Variants in COL22A1 observed in about 807,000 individuals in gnomAD.
COL22A1 encodes the protein collagen type XXII alpha 1 chain, also known as collagen alpha-1(XXII) chain.
A neutral mutation model predicts 248.9 loss-of-function variants in COL22A1; 221 were observed. The ratio of observed to expected loss-of-function variants is 0.89; its 90% confidence interval spans 0.80 to 0.99. COL22A1 has a LOEUF of 0.99. Ranked by LOEUF, COL22A1 falls within the 50% of genes least tolerant of loss-of-function variation. The probability of loss-of-function intolerance (pLI) is 0.00; values close to 1 mark genes in which losing one functional copy is unlikely to be tolerated. For missense variants in COL22A1, 2,240 were observed against 2,179.0 expected, an observed-to-expected ratio of 1.03 and a Z score of -0.56; for synonymous variants, 891 against 793.4, an observed-to-expected ratio of 1.12 and a Z score of -2.07.
chr8:138,636,822 G>T, intron 47 of COL22A1, 27 bp from the exon 48 acceptor site: 1 of 1,576,972 alleles, frequency 6.3e-7, no homozygotes, highest in Non-Finnish European at 8.7e-7. Context: ...AGAAAAGAAA[G>T]ATGTCACTGG....
intron 3 of COL22A1, among the ~76,000 whole-genome samples, chr8:138,863,391 G>A (rs1038960158): frequency 6.6e-6 from 1 of 152,166 alleles, no homozygotes; most frequent in East Asian, 1.9e-4. Context: ...TGTGGGCTCC[G>A]CTGTCAACTG....
intron 45 of COL22A1, among the ~76,000 whole-genome samples, chr8:138,650,044 G>C (rs1822562821): frequency 6.6e-6 from 1 of 152,144 alleles, no homozygotes; most frequent in African/African-American, 2.4e-5. Context: ...TTTCCACCCA[G>C]ACTTCTGGAA....
rs753031881 is a variant in COL22A1 at position 138,807,849 on chromosome 8, T to C, written c.1450-37A>G. 2.5e-6 allele frequency: 4 copies of C among 1,609,264 alleles called. No individual in the cohort carries two copies. The East Asian group carries it at 6.7e-5, about 27-fold the overall frequency. On this transcript the variant is annotated intron_variant, in intron 9 of 64. Transcript: ENST00000303045. ...AAGACAACAAAAAAGTAAGTTTCTA[T>C]TTTAATTTTCCCTTTCTCTCAACAC... is the stretch of plus-strand genomic sequence containing the variant.
At chr8:138,876,059 T>C (rs1484122651) in intron 3 of COL22A1, among the ~76,000 whole-genome samples, 1 of 152,144 alleles carries the variant, frequency 6.6e-6, no homozygotes, top group East Asian at 1.9e-4. Flanking sequence ...GATCTGACCA[T>C]GTCATACCCC....
At chr8:138,658,389 T>C (rs1393465437) in intron 44 of COL22A1, among the ~76,000 whole-genome samples, 1 of 152,182 alleles carries the variant, frequency 6.6e-6, no homozygotes, top group African/African-American at 2.4e-5. Context: ...TTATGGTGGG[T>C]GCCTTGGACA....
intron 41 of COL22A1, among the ~76,000 whole-genome samples, chr8:138,667,978 T>C (rs1468844902): frequency 6.7e-6 from 1 of 149,226 alleles, no homozygotes. Context: ...AAATGCCAGA[T>C]GGTGGAAAAT....
intron 9 of COL22A1, 60 bp downstream of exon 9, chr8:138,811,739 G>A: frequency 6.2e-7 from 1 of 1,607,434 alleles, no homozygotes; most frequent in Non-Finnish European, 8.5e-7. Context: ...TGCATGATGG[G>A]AAACTCCCAC....
intron 35 of COL22A1, among the ~76,000 whole-genome samples, chr8:138,692,307 T>TATGC: frequency 1.1e-4 from 1 of 9,086 alleles, no homozygotes; most frequent in East Asian, 3.0e-3. Flanking sequence ...TGCGGAGGTG[T>TATGC]ATGTGTGTGC....
chr8:138,662,403 G>A (rs1316904891), intron 42 of COL22A1, among the ~76,000 whole-genome samples: 1 of 152,084 alleles, frequency 6.6e-6, no homozygotes, highest in Admixed American at 6.6e-5. Context: ...TCAAACCCTG[G>A]CTCACTCCTT....
intron 22 of COL22A1, among the ~76,000 whole-genome samples, chr8:138,747,671 G>A (rs574005600): frequency 5.3e-5 from 8 of 152,030 alleles, no homozygotes; most frequent in African/African-American, 1.5e-4. Context: ...TCTTTCCCCC[G>A]GCCTGCCAGA....
chr8:138,860,936 C>T (rs972804808), intron 3 of COL22A1, among the ~76,000 whole-genome samples: 17 of 152,196 alleles, frequency 1.1e-4, no homozygotes, highest in African/African-American at 4.1e-4. Flanking sequence ...TATGTTCTTT[C>T]TCCAGATACC....
chr8:138,689,163 G>GA (rs1030956197), intron 36 of COL22A1, among the ~76,000 whole-genome samples, 193 bp from the exon 37 acceptor site: 2 of 145,526 alleles, frequency 1.4e-5, no homozygotes, highest in African/African-American at 5.5e-5. Flanking sequence ...TCTCCCGGGG[G>GA]GGGGGCTGGC....
rs565458803 is a variant in COL22A1 at position 138,692,058 on chromosome 8, G to A, written c.2755-1184C>T. Among the ~76,000 whole-genome samples, 557 of 141,022 alleles carry A rather than the reference G, an allele frequency of 3.9e-3. 15 individuals are homozygous for A. Among genetic ancestry groups the A allele is most frequent in the Middle Eastern group, 0.029 (7 of 242 alleles). 92.5% of individuals were successfully genotyped at this position (141,022 alleles called of 152,430 possible). A position where few individuals can be genotyped will look rare whatever the true frequency, so the allele number is the denominator to read the frequency against. On this transcript the variant is annotated intron_variant, in intron 35 of 64. Transcript: ENST00000303045. ...TGCATTTGTGAAGGTGTGTGTGTGC[G>A]CGCACGTTTGTGGAGGTGTATGTGT...
intron 3 of COL22A1, 68 bp downstream of exon 3, chr8:138,877,681 AC>A (rs1259156091): frequency 1.5e-5 from 22 of 1,436,204 alleles, no homozygotes; most frequent in Non-Finnish European, 2.0e-5. Flanking sequence ...CTGCCCGAGG[AC>A]CCCTCCCGTG....
chr8:138,804,723 T>C (rs1207847044), intron 10 of COL22A1, among the ~76,000 whole-genome samples: 6 of 151,082 alleles, frequency 4.0e-5, no homozygotes, highest in Non-Finnish European at 5.9e-5. Flanking sequence ...TGATGGTGTG[T>C]GTGATGAGGG....
At chr8:138,892,321 T>G (rs531534509) in intron 1 of COL22A1, among the ~76,000 whole-genome samples, 2 of 152,354 alleles carry the variant, frequency 1.3e-5, no homozygotes, top group East Asian at 3.9e-4. Flanking sequence ...TGAACATTTC[T>G]TATACTCAGT....
At chr8:138,878,423 C>T in intron 2 of COL22A1, 107 bp from the exon 3 acceptor site, 1 of 967,226 alleles carries the variant, frequency 1.0e-6, no homozygotes, top group Non-Finnish European at 1.5e-6. Flanking sequence ...AAATACCTAC[C>T]TGCCCTGTCT....
At chr8:138,627,817 G>T (rs1011457585) in intron 50 of COL22A1, among the ~76,000 whole-genome samples, 12 of 152,126 alleles carry the variant, frequency 7.9e-5, no homozygotes, top group African/African-American at 2.9e-4. Context: ...AAGCCTGTTT[G>T]CATCAGTTAT....
intron 49 of COL22A1, among the ~76,000 whole-genome samples, chr8:138,634,234 T>C (rs1325974417): frequency 6.6e-6 from 1 of 152,164 alleles, no homozygotes; most frequent in East Asian, 1.9e-4. Flanking sequence ...CTAACTGAAC[T>C]TCTTTTCACT....
Sources: allele counts gnomAD v4.1 joint callset (sites outside exome capture counted in the v4.1 genomes callset), GRCh38; gene constraint gnomAD v4.1.1; transcripts MANE v1.5; gene names NCBI Gene and HGNC (gene_info 2026-07-23, HGNC 2026-07-21).